Variants in JAK2 observed in about 807,000 individuals in gnomAD.
JAK2 encodes Janus kinase 2.
In JAK2, 86 loss-of-function variants were observed where a neutral mutation model predicts 139.3. That is an observed-to-expected ratio of 0.62 (90% CI 0.52 to 0.74). The LOEUF (loss-of-function observed/expected upper bound fraction) is 0.74. Among genes scored for constraint, JAK2 ranks in the 30% least tolerant of loss-of-function variants. JAK2 has a pLI of 0.00. For missense variants in JAK2, 1,421 were observed against 1,360.3 expected (o/e 1.04, Z -0.70); for synonymous variants, 490 against 437.7 (o/e 1.12, Z -1.49).
chr9:5,067,619 A>G (rs1481204571), intron 10 of JAK2, among the ~76,000 whole-genome samples: 1 of 152,010 alleles, frequency 6.6e-6, no homozygotes, highest in Non-Finnish European at 1.5e-5. Flanking sequence ...ACTATAACAG[A>G]TAATAGTACA....
At chr9:5,057,257 A>T (rs545754645) in intron 8 of JAK2, among the ~76,000 whole-genome samples, 1 of 152,008 alleles carries the variant, frequency 6.6e-6, no homozygotes, top group African/African-American at 2.4e-5. Context: ...TTTCCTACCA[A>T]ATTATTTATG....
intron 19 of JAK2, chr9:5,084,983 C>T (rs970517874): frequency 2.5e-6 from 2 of 799,650 alleles, no homozygotes; most frequent in Non-Finnish European, 4.1e-6. Context: ...CCAGAAAGAA[C>T]AGAAAGAGTT....
At chr9:5,112,426 C>A in intron 22 of JAK2, 2 of 501,638 alleles carry the variant, frequency 4.0e-6, no homozygotes, top group African/African-American at 2.0e-5. Context: ...ACGTCGGCGG[C>A]TGACCACTCA....
chr9:5,086,293 G>T (rs1054839951), intron 19 of JAK2, among the ~76,000 whole-genome samples: 1 of 152,164 alleles, frequency 6.6e-6, no homozygotes, highest in Admixed American at 6.5e-5. Context: ...AGGACCTGGA[G>T]CCTGAAACCT....
intron 4 of JAK2, among the ~76,000 whole-genome samples, chr9:5,036,764 A>T (rs983434634): frequency 2.0e-5 from 3 of 152,230 alleles, no homozygotes; most frequent in African/African-American, 7.2e-5. Flanking sequence ...AAACCCTAGA[A>T]GAAAACCTAG....
chr9:5,120,107 C>T (rs548780051), intron 22 of JAK2, among the ~76,000 whole-genome samples: 2 of 152,216 alleles, frequency 1.3e-5, no homozygotes, highest in Non-Finnish European at 1.5e-5. Context: ...CAGGTTCAGG[C>T]GTCTGGTGAG....
intron 19 of JAK2, among the ~76,000 whole-genome samples, chr9:5,089,370 C>T (rs926766214): frequency 6.6e-6 from 1 of 151,926 alleles, no homozygotes; most frequent in African/African-American, 2.4e-5. Context: ...AACCCTGTCT[C>T]TACTAAATAT....
chr9:5,030,433 A>G (rs1416912271), intron 4 of JAK2, among the ~76,000 whole-genome samples: 5 of 152,174 alleles, frequency 3.3e-5, no homozygotes, highest in Admixed American at 3.3e-4. Context: ...AAACAAAGAT[A>G]CGTTTGATTT....
intron 4 of JAK2, among the ~76,000 whole-genome samples, chr9:5,033,671 T>A (rs2130194578): frequency 6.6e-6 from 1 of 152,198 alleles, no homozygotes; most frequent in East Asian, 1.9e-4. Context: ...AATAAAATCC[T>A]TTACAGACAA....
rs192823036 is a variant in JAK2, at chr9:5,080,392, T to C, written c.2283+12T>C. 2.7e-4 allele frequency: 433 copies of C among 1,595,232 alleles called. 1 individual carries two copies. Among genetic ancestry groups the C allele is most frequent in the Non-Finnish European group, 2.3e-4 (269 of 1,169,716 alleles). On this transcript the variant is annotated intron_variant, in intron 17 of 24. Transcript: ENST00000381652. The stretch of plus-strand genomic sequence containing the variant: ...TGGATTCTCAAAGAGTAAGTTTATA[T>C]AGACTAAGTTAGAATTACTCTATCT...
At chr9:5,089,305 G>A (rs750583863) in intron 19 of JAK2, among the ~76,000 whole-genome samples, 5 of 152,028 alleles carry the variant, frequency 3.3e-5, no homozygotes, top group Non-Finnish European at 5.9e-5. Flanking sequence ...TTGGGAGGCC[G>A]AGTTGGGTGG....
Position 5,086,160 on chromosome 9 carries a change from G to C in JAK2, c.2572-3514G>C, listed in dbSNP as rs1820092660. On this transcript the variant is annotated intron_variant, in intron 19 of 24. Transcript: ENST00000381652. ...GCGGCCCCGCAAGGCTCGGGGAGCG[G>C]TCTCCACGCCGCCGGTCTCCAGCAA... The C allele has an allele frequency of 1.1e-5, 4 of 363,152 alleles. No individual in the cohort carries two copies. The South Asian group carries it at 2.0e-4, about 18-fold the overall frequency. The allele number at this position is 363,152 out of a possible 1,614,324, so 22.5% of individuals were successfully genotyped here. A position where few individuals can be genotyped will look rare whatever the true frequency, so the allele number is the denominator to read the frequency against.
At chr9:5,015,634 G>A (rs1822003114) in intron 2 of JAK2, among the ~76,000 whole-genome samples, 1 of 151,488 alleles carries the variant, frequency 6.6e-6, no homozygotes, top group Non-Finnish European at 1.5e-5. Context: ...TCGGTCTCCT[G>A]GGCTCAAGTG....
chr9:5,126,467 C>T, intron 24 of JAK2, 21 bp downstream of exon 24: 1 of 1,476,692 alleles, frequency 6.8e-7, no homozygotes, highest in Non-Finnish European at 9.4e-7. Context: ...TTTTTTAATC[C>T]AGGGTAGTCA....
chr9:5,073,092 A>T (rs1273551228), intron 13 of JAK2, among the ~76,000 whole-genome samples: 1 of 152,228 alleles, frequency 6.6e-6, no homozygotes, highest in Non-Finnish European at 1.5e-5. Context: ...GAACATAGCA[A>T]GATATGATAC....
chr9:5,073,706 T>G lies in JAK2; in HGVS notation c.1785T>G (p.Phe595Leu), dbSNP rs761091401. The change falls in exon 14 of 25, where the codon TTT becomes TTG. Residue 595 changes from phenylalanine (F) to leucine (L), a missense_variant. Physicochemically the swap from Phe to Leu is conservative, Grantham distance 22 (BLOSUM62 0). Transcript: ENST00000381652. ...CTTTTTTTTTTCCTTAGTCTTTCTT[T>G]GAAGCAGCAAGTATGATGAGCAAGC... ...KAHRNYSESF[F>L]EAASMMSKLS... 2 of 1,611,156 alleles carry G rather than the reference T, an allele frequency of 1.2e-6. No homozygotes were observed. The highest frequency in any genetic ancestry group is 1.7e-6 in the Non-Finnish European group (2 of 1,178,362).
intron 18 of JAK2, among the ~76,000 whole-genome samples, chr9:5,080,984 C>T (rs1293137457): frequency 6.7e-6 from 1 of 148,458 alleles, no homozygotes; most frequent in Non-Finnish European, 1.5e-5. Context: ...CAAGCTCCAC[C>T]TCCAAGGTTC....
At chr9:5,091,614 TTAA>T (rs1168380383) in intron 22 of JAK2, 1 of 152,156 alleles carries the variant, frequency 6.6e-6, no homozygotes, top group Non-Finnish European at 1.5e-5. Context: ...GATTAGATAA[TTAA>T]TAGTAGAGTT....
chr9:5,003,506 C>T (rs1821062051), intron 2 of JAK2, among the ~76,000 whole-genome samples: 1 of 151,734 alleles, frequency 6.6e-6, no homozygotes, highest in Non-Finnish European at 1.5e-5. Context: ...TTTAAATGTT[C>T]ATTTAAAAAA....
Sources: allele counts gnomAD v4.1 joint callset (sites outside exome capture counted in the v4.1 genomes callset), GRCh38; gene constraint gnomAD v4.1.1; transcripts MANE v1.5; gene names NCBI Gene and HGNC (gene_info 2026-07-23, HGNC 2026-07-21).